LRRC2: variants seen among roughly 807,000 people sequenced by gnomAD.
LRRC2 encodes the protein leucine rich repeat containing 2, also known as leucine-rich repeat-containing protein 2.
Under a neutral mutation model 40.2 loss-of-function variants are expected in LRRC2, and 27 were observed. The observed-to-expected ratio is 0.67, with a 90% CI of 0.49 to 0.93. LRRC2 has a LOEUF of 0.93. Among genes scored for constraint, LRRC2 ranks in the 40% least tolerant of loss-of-function variants. LRRC2 has a pLI of 0.00. For missense variants in LRRC2, 402 were observed against 439.6 expected (o/e 0.91, Z 0.76); for synonymous variants, 147 against 158.9 (o/e 0.92, Z 0.56).
chr3:46,563,274 C>T lies in LRRC2; in HGVS notation c.-20+2903G>A, dbSNP rs571891929. Among the ~76,000 whole-genome samples the T allele has an allele frequency of 3.9e-5, 6 of 152,258 alleles. No homozygotes were observed. The South Asian group carries it at 1.0e-3, about 26-fold the overall frequency. ...TCTACTCAATAGTGAGAGTCACTTT[C>T]CAATGAGAACTAGATCATGCCACCA... On this transcript the variant is annotated intron_variant, in intron 1 of 8. Coordinates refer to ENST00000395905, the MANE Select transcript of LRRC2 (RefSeq NM_024512.5).
At chr3:46,536,150 T>C (rs926245341) in intron 4 of LRRC2, among the ~76,000 whole-genome samples, 6 of 152,224 alleles carry the variant, frequency 3.9e-5, no homozygotes, top group African/African-American at 1.4e-4. Flanking sequence ...AATAGACAGC[T>C]ACAACGTAGG....
chr3:46,565,515 G>T (rs1392796883), intron 1 of LRRC2, among the ~76,000 whole-genome samples: 1 of 152,164 alleles, frequency 6.6e-6, no homozygotes, highest in East Asian at 1.9e-4. Flanking sequence ...AGCATCCGAG[G>T]GTTTTTCCTC....
intron 2 of LRRC2, 140 bp downstream of exon 2, chr3:46,551,327 G>C: frequency 1.0e-6 from 1 of 988,808 alleles, no homozygotes; most frequent in Admixed American, 2.4e-5. Context: ...ACAGTGTAAG[G>C]CTCTGAAGTT....
intron 1 of LRRC2, among the ~76,000 whole-genome samples, chr3:46,556,312 C>A (rs748605091): frequency 1.3e-5 from 2 of 151,724 alleles, no homozygotes; most frequent in Admixed American, 1.3e-4. Context: ...ATTTTTGCAG[C>A]GATAAGGTCT....
chr3:46,565,577 C>G (rs1043407291), intron 1 of LRRC2, among the ~76,000 whole-genome samples: 1 of 152,168 alleles, frequency 6.6e-6, no homozygotes, highest in African/African-American at 2.4e-5. Context: ...GTGAACCCCC[C>G]AGTCCCTGAG....
At chr3:46,554,859 G>A (rs201203338) in intron 1 of LRRC2, among the ~76,000 whole-genome samples, 1 of 152,072 alleles carries the variant, frequency 6.6e-6, no homozygotes, top group African/African-American at 2.4e-5. Context: ...ATTCCCACCA[G>A]CAGTGTATGA....
rs1021160271 is a variant in LRRC2 at position 46,515,435 on chromosome 3, A to G, written c.*3579T>C. ...TTTCATTCATATTACTTTAATATTC[A>G]TACATGTATTCTGCCATGTAAATAA... On this transcript the variant is annotated 3_prime_UTR_variant, in exon 9 of 9. Coordinates refer to ENST00000395905, the MANE Select transcript of LRRC2 (RefSeq NM_024512.5). 2 of 152,162 alleles carry G rather than the reference A, an allele frequency of 1.3e-5. No homozygotes were observed. Among genetic ancestry groups the G allele is most frequent in the Non-Finnish European group, 2.9e-5 (2 of 68,024 alleles). The allele number at this position is 152,162 out of a possible 1,614,324, so 9.4% of individuals were successfully genotyped here.
chr3:46,550,986 G>T (rs55951695), intron 2 of LRRC2: 1 of 152,274 alleles, frequency 6.6e-6, no homozygotes, highest in Non-Finnish European at 1.5e-5. Context: ...TTTCACGGCC[G>T]TATATGATAG....
At chr3:46,565,499 T>C (rs1705038250) in intron 1 of LRRC2, among the ~76,000 whole-genome samples, 1 of 152,008 alleles carries the variant, frequency 6.6e-6, no homozygotes, top group Non-Finnish European at 1.5e-5. Flanking sequence ...AAACAAGAGG[T>C]ATGTGAGCAT....
At chr3:46,521,067 T>C (rs1270014348) in intron 8 of LRRC2, among the ~76,000 whole-genome samples, 1 of 152,172 alleles carries the variant, frequency 6.6e-6, no homozygotes, top group African/African-American at 2.4e-5. Context: ...TAAATGCATC[T>C]ATGCGCAAAT....
chr3:46,538,938 G>A (rs1704325079), intron 4 of LRRC2, 107 bp downstream of exon 4: 2 of 1,252,290 alleles, frequency 1.6e-6, no homozygotes, highest in Non-Finnish European at 2.2e-6. Context: ...ACCACTTCCT[G>A]GGGAAGCTGG....
At chr3:46,547,523 G>T (rs574645023) in intron 2 of LRRC2, among the ~76,000 whole-genome samples, 2 of 152,010 alleles carry the variant, frequency 1.3e-5, no homozygotes, top group African/African-American at 4.8e-5. Flanking sequence ...GGGGCTGGTG[G>T]CACATGCTTG....
intron 1 of LRRC2, among the ~76,000 whole-genome samples, chr3:46,554,684 G>A (rs1704748844): frequency 6.6e-6 from 1 of 151,544 alleles, no homozygotes; most frequent in Non-Finnish European, 1.5e-5. Flanking sequence ...TTTACCTAAA[G>A]GAGATTTTTG....
intron 1 of LRRC2, among the ~76,000 whole-genome samples, chr3:46,554,265 C>T (rs149500089): frequency 0.077 from 7,360 of 95,996 alleles, 271 homozygotes; most frequent in East Asian, 0.32. Context: ...AAGCAATCCA[C>T]CCACCTAGGC....
At position 46,551,487 on chromosome 3, in the gene LRRC2, A is replaced by G. The variant is rs756803801; in HGVS notation, c.105T>C (p.Leu35=). 1 of 1,613,798 alleles carries G rather than the reference A, an allele frequency of 6.2e-7. No individual in the cohort carries two copies. Among genetic ancestry groups the G allele is most frequent in the African/African-American group, 1.3e-5 (1 of 74,932 alleles). Reference sequence around the variant, plus strand: ...CGTACTTCTCCAAGGCGCTCTTCTCAAGCCTTTCCACCTCCTTCTTCTGCC... The same window carrying G: ...CGTACTTCTCCAAGGCGCTCTTCTCGAGCCTTTCCACCTCCTTCTTCTGCC... ...KAWQKKEVER[L]EKSALEKIKE... Residue 35 remains leucine, a synonymous_variant, in exon 2 of 9, where the codon CTT becomes CTC. Transcript: ENST00000395905.
chr3:46,553,733 C>T (rs557521600), intron 1 of LRRC2, among the ~76,000 whole-genome samples: 2 of 152,336 alleles, frequency 1.3e-5, no homozygotes, highest in African/African-American at 4.8e-5. Flanking sequence ...GGTGATCCTC[C>T]TGCCTCAGTC....
chr3:46,519,745 T>A (rs936152009), intron 8 of LRRC2, among the ~76,000 whole-genome samples: 1 of 152,234 alleles, frequency 6.6e-6, no homozygotes, highest in Non-Finnish European at 1.5e-5. Flanking sequence ...CACATCCTTA[T>A]CCTTCTTGAA....
chr3:46,537,950 T>C (rs891287756), intron 4 of LRRC2, among the ~76,000 whole-genome samples: 3 of 152,202 alleles, frequency 2.0e-5, no homozygotes, highest in Non-Finnish European at 4.4e-5. Flanking sequence ...CCCACCACTT[T>C]TACAGCAAGT....
intron 7 of LRRC2, among the ~76,000 whole-genome samples, chr3:46,526,980 T>A (rs1216350810): frequency 6.6e-6 from 1 of 152,252 alleles, no homozygotes; most frequent in Non-Finnish European, 1.5e-5. Context: ...CAATTCCACT[T>A]CCACATCCCC....
Sources: gnomAD v4.1 joint callset for allele counts (sites outside exome capture counted in the v4.1 genomes callset) on GRCh38, gnomAD v4.1.1 for gene constraint, MANE v1.5 for transcripts, NCBI Gene and HGNC (gene_info 2026-07-23, HGNC 2026-07-21) for gene names.